NCS1: variants seen among roughly 807,000 people sequenced by gnomAD.
NCS1 encodes the protein frequenin homolog.
Under a neutral mutation model 28.4 loss-of-function variants are expected in NCS1, and 6 were observed. The ratio of observed to expected loss-of-function variants is 0.21; its 90% CI spans 0.12 to 0.42. The LOEUF (loss-of-function observed/expected upper bound fraction) is 0.42. Ranked by LOEUF, NCS1 falls within the 10% of genes least tolerant of loss-of-function variation. The pLI is 1.00. For missense variants in NCS1, 131 were observed against 241.4 expected, an observed-to-expected ratio of 0.54 and a Z score of 3.03; for synonymous variants, 86 against 99.3, an observed-to-expected ratio of 0.87 and a Z score of 0.79.
At chr9:130,172,759 G>A in intron 1 of NCS1, 32 bp downstream of exon 1, 4 of 1,192,642 alleles carry the variant, frequency 3.4e-6, no homozygotes, top group African/African-American at 1.8e-5. Flanking sequence ...CCCGCGCCCC[G>A]CGGTCACCCC....
rs1375984814 is a variant in NCS1 at position 130,181,154 on chromosome 9, G to A, written c.64+8427G>A. Among the ~76,000 whole-genome samples, 15 of 152,192 alleles carry A rather than the reference G, an allele frequency of 9.9e-5. No homozygotes were observed. The highest frequency in any genetic ancestry group is 2.1e-4 in the Non-Finnish European group (14 of 68,032). ...TGGGGAAGGTACGTCAGGGCCCCAGGGACGGAGTGTGCTTGGGCTGTGGTG... is the reference window on the plus strand; with the variant it reads ...TGGGGAAGGTACGTCAGGGCCCCAGAGACGGAGTGTGCTTGGGCTGTGGTG... On this transcript the variant is annotated intron_variant, in intron 1 of 7. Transcript: ENST00000372398. The surrounding 1 kb of genome is among the most constrained non-coding windows in gnomAD (Gnocchi z 5.0).
chr9:130,230,890 T>C (rs1410161369), intron 7 of NCS1, among the ~76,000 whole-genome samples: 2 of 150,128 alleles, frequency 1.3e-5, no homozygotes, highest in South Asian at 4.2e-4. Flanking sequence ...AAGATAAAGA[T>C]TCTTTGAAAA....
At chr9:130,216,852 C>G (rs74792561) in intron 2 of NCS1, among the ~76,000 whole-genome samples, 3,630 of 151,274 alleles carry the variant, frequency 0.024, 142 homozygotes, top group African/African-American at 0.081. Context: ...TAGATGACCT[C>G]TCTCTCTGGC....
chr9:130,216,214 C>G (rs528438758), intron 2 of NCS1, among the ~76,000 whole-genome samples: 10 of 152,312 alleles, frequency 6.6e-5, no homozygotes, highest in Admixed American at 2.0e-4. Context: ...CTCCCATAAC[C>G]CTCTCCGATG....
At position 130,235,430 on chromosome 9, in the gene NCS1, T is replaced by C. The variant is rs1782524126; in HGVS notation, c.*2458T>C. On this transcript the variant is annotated 3_prime_UTR_variant, in exon 8 of 8. Transcript: ENST00000372398. ...CTCTCTGGTCCAATGGGACTGACAC[T>C]GTTGTACAACCTGACCTGTGGCTGA... The C allele has an allele frequency of 1.3e-5, 2 of 152,696 alleles. No homozygotes were observed. Among genetic ancestry groups the C allele is most frequent in the Non-Finnish European group, 2.9e-5 (2 of 68,296 alleles). The allele number at this position is 152,696 out of a possible 1,614,324, so 9.5% of individuals were successfully genotyped here.
rs1426058024 is a variant in NCS1, at chr9:130,215,574, C to T, written c.90-2258C>T. ...AGGACAGGAGAGGCAGGGCGGGCTCCGAGTCTCACGCATTGCTGTGGATGA... is the reference window on the plus strand; with the variant it reads ...AGGACAGGAGAGGCAGGGCGGGCTCTGAGTCTCACGCATTGCTGTGGATGA... On this transcript the variant is annotated intron_variant, in intron 2 of 7. Transcript: ENST00000372398. The surrounding 1 kb of genome is among the most constrained non-coding windows in gnomAD (Gnocchi z 4.2). Among the ~76,000 whole-genome samples, 4 of 152,142 alleles carry T rather than the reference C, an allele frequency of 2.6e-5. No individual in the cohort carries two copies. Among genetic ancestry groups the T allele is most frequent in the Non-Finnish European group, 4.4e-5 (3 of 68,020 alleles).
chr9:130,222,549 G>A (rs1253735135), intron 4 of NCS1, 101 bp from the exon 5 acceptor site: 12 of 910,954 alleles, frequency 1.3e-5, no homozygotes, highest in South Asian at 4.0e-5. Context: ...TGGGCCATCC[G>A]GTCGCTGACT....
chr9:130,198,136 C>G (rs1832899185), intron 1 of NCS1, among the ~76,000 whole-genome samples: 1 of 152,286 alleles, frequency 6.6e-6, no homozygotes, highest in Admixed American at 6.5e-5. Flanking sequence ...AGCTCCGGTT[C>G]CCTGGGGCTC....
chr9:130,200,337 G>A, intron 1 of NCS1: 1 of 563,270 alleles, frequency 1.8e-6, no homozygotes, highest in South Asian at 2.4e-5. Context: ...GAATGGGTAT[G>A]TGGGCTTGGC....
intron 6 of NCS1, among the ~76,000 whole-genome samples, chr9:130,224,523 A>G (rs1173493175): frequency 6.6e-6 from 1 of 150,956 alleles, no homozygotes; most frequent in Non-Finnish European, 1.5e-5. Flanking sequence ...ACACCACTGC[A>G]CTCCAGCCTG....
rs566243844 is a variant in NCS1 at position 130,187,411 on chromosome 9, C to T, written c.65-13547C>T. Reference sequence around the variant, plus strand: ...GCCTCCACCCTCCGCTCTTAAAGGGCCAGAGCCGGAGTCAGGGCTGCTGCC... The same window carrying T: ...GCCTCCACCCTCCGCTCTTAAAGGGTCAGAGCCGGAGTCAGGGCTGCTGCC... On this transcript the variant is annotated intron_variant, in intron 1 of 7. Transcript: ENST00000372398. Among the ~76,000 whole-genome samples the T allele has an allele frequency of 2.0e-5, 3 of 152,300 alleles. No individual in the cohort carries two copies. The East Asian group carries it at 5.8e-4, about 29-fold the overall frequency.
intron 2 of NCS1, among the ~76,000 whole-genome samples, chr9:130,207,394 G>A (rs1047639935): frequency 3.9e-5 from 6 of 152,152 alleles, no homozygotes; most frequent in African/African-American, 9.7e-5. Flanking sequence ...CACCTGTGCC[G>A]AGCTCATCCC....
At chr9:130,206,403 C>CTTTTTTTTTTT (rs71387330) in intron 2 of NCS1, among the ~76,000 whole-genome samples, 1 of 116,516 alleles carries the variant, frequency 8.6e-6, no homozygotes, top group African/African-American at 3.3e-5. Context: ...TTCTTTCTTT[C>CTTTTTTTTTTT]TTTTTTTTTT....
intron 7 of NCS1, among the ~76,000 whole-genome samples, chr9:130,228,671 C>CTT (rs202118811): frequency 3.5e-5 from 5 of 141,908 alleles, no homozygotes; most frequent in Middle Eastern, 3.5e-3. Context: ...TTCTTTCTTT[C>CTT]TTTTTTTTTT....
chr9:130,227,172 T>C (rs554769413), intron 7 of NCS1, among the ~76,000 whole-genome samples: 22 of 152,244 alleles, frequency 1.4e-4, no homozygotes, highest in African/African-American at 4.8e-4. Flanking sequence ...AAGACCTAAC[T>C]AAGCTCCTAG....
chr9:130,201,084 A>C (rs1832941537), intron 2 of NCS1, 102 bp downstream of exon 2: 3 of 1,501,450 alleles, frequency 2.0e-6, no homozygotes, highest in Non-Finnish European at 9.3e-7. Context: ...GGATGGGGGC[A>C]TGTGGAGGGG....
chr9:130,201,043 G>A, intron 2 of NCS1, 61 bp downstream of exon 2: 1 of 1,606,022 alleles, frequency 6.2e-7, no homozygotes. Flanking sequence ...TGTGGGCTGT[G>A]GGCTGATGGG....
At chr9:130,229,474 C>T (rs1177045954) in intron 7 of NCS1, among the ~76,000 whole-genome samples, 2 of 151,944 alleles carry the variant, frequency 1.3e-5, no homozygotes, top group East Asian at 1.9e-4. Context: ...AGGCTGGTCT[C>T]GAACTCCTGA....
chr9:130,178,932 TTCCCTCCTC>T (rs1554904911), intron 1 of NCS1, among the ~76,000 whole-genome samples: 1 of 79,560 alleles, frequency 1.3e-5, no homozygotes, highest in African/African-American at 5.1e-5. Context: ...TTCCCTCCCC[TTCCCTCCTC>T]TTTTTTTTTT....
Sources: allele counts gnomAD v4.1 joint callset (sites outside exome capture counted in the v4.1 genomes callset), GRCh38; gene constraint gnomAD v4.1.1; non-coding constraint Gnocchi (gnomAD v3.1); transcripts MANE v1.5; gene names NCBI Gene and HGNC (gene_info 2026-07-23, HGNC 2026-07-21).